Variants in KIAA0825 observed in about 807,000 individuals in gnomAD.
KIAA0825 encodes the protein KIAA0825.
A neutral mutation model predicts 147.6 loss-of-function variants in KIAA0825; 119 were observed. The observed-to-expected ratio is 0.81, with a 90% CI of 0.69 to 0.94. The LOEUF (loss-of-function observed/expected upper bound fraction) is 0.94, where lower values mean the gene tolerates loss of function less well. KIAA0825 is among the 40% of genes least tolerant of loss of function. The probability of loss-of-function intolerance (pLI) is 0.00; values close to 1 mark genes in which losing one functional copy is unlikely to be tolerated. For missense variants in KIAA0825, 1,381 were observed against 1,472.7 expected (o/e 0.94, Z 1.02); for synonymous variants, 470 against 518.1 (o/e 0.91, Z 1.26).
At chr5:94,467,271 A>AT (rs2150974203) in intron 10 of KIAA0825, among the ~76,000 whole-genome samples, 1 of 152,244 alleles carries the variant, frequency 6.6e-6, no homozygotes, top group Non-Finnish European at 1.5e-5. Context: ...TGGTTCATTT[A>AT]TTTTTCTGAC....
At chr5:94,519,933 T>TA in intron 5 of KIAA0825, 1 of 790,296 alleles carries the variant, frequency 1.3e-6, no homozygotes, top group Non-Finnish European at 1.6e-6. Context: ...ATATACTCAT[T>TA]TATATATATG....
chr5:94,567,512 A>G (rs1778919150), intron 2 of KIAA0825: 1 of 152,212 alleles, frequency 6.6e-6, no homozygotes, highest in South Asian at 2.1e-4. Context: ...CCTAATCACC[A>G]TACTAATTCT....
chr5:94,212,833 T>C (rs1772836314), intron 20 of KIAA0825, among the ~76,000 whole-genome samples: 1 of 152,200 alleles, frequency 6.6e-6, no homozygotes, highest in African/African-American at 2.4e-5. Flanking sequence ...TGAGGCTGTC[T>C]GCTATGCAGA....
chr5:94,617,920 A>C (rs1169472883), intron 1 of KIAA0825: 1 of 152,224 alleles, frequency 6.6e-6, no homozygotes, highest in Non-Finnish European at 1.5e-5. Context: ...AATGCATCTA[A>C]TGCCCAAGCA....
At chr5:94,493,393 T>C (rs564003425) in intron 5 of KIAA0825, among the ~76,000 whole-genome samples, 1 of 152,352 alleles carries the variant, frequency 6.6e-6, no homozygotes, top group African/African-American at 2.4e-5. Context: ...ACAAATACAC[T>C]GATTAGCACA....
chr5:94,561,951 A>G (rs995727725), intron 2 of KIAA0825, among the ~76,000 whole-genome samples: 1 of 152,220 alleles, frequency 6.6e-6, no homozygotes, highest in African/African-American at 2.4e-5. Flanking sequence ...AACAGAAAAA[A>G]GTCACCTACG....
At chr5:94,576,905 A>C (rs1049639013) in intron 2 of KIAA0825, among the ~76,000 whole-genome samples, 2 of 152,206 alleles carry the variant, frequency 1.3e-5, no homozygotes, top group Non-Finnish European at 2.9e-5. Context: ...AAAAGAAAAA[A>C]TTTAACTCTT....
At chr5:94,220,133 T>C (rs1479740597) in intron 20 of KIAA0825, among the ~76,000 whole-genome samples, 1 of 152,144 alleles carries the variant, frequency 6.6e-6, no homozygotes, top group Non-Finnish European at 1.5e-5. Context: ...AAACATTTTA[T>C]TTTTTACTTC....
intron 20 of KIAA0825, among the ~76,000 whole-genome samples, chr5:94,261,261 C>T (rs997418168): frequency 2.0e-5 from 3 of 151,984 alleles, no homozygotes; most frequent in African/African-American, 7.3e-5. Flanking sequence ...CAAGATTGCA[C>T]CATTGCACTC....
In KIAA0825 at chr5:94,607,462, A is replaced by G. The variant is rs140424337; in HGVS notation, c.-153+11038T>C. Among the ~76,000 whole-genome samples the G allele has an allele frequency of 1.1e-3, 166 of 152,192 alleles. 6 individuals are homozygous for G. The East Asian group carries it at 0.031, about 29-fold the overall frequency. ...ACCCTCTACTAAAAATACAAAAATT[A>G]TCTGTGCCTGGTGGCAGGTACCTAT... On this transcript the variant is annotated intron_variant, in intron 1 of 20. Coordinates refer to ENST00000682413, the MANE Select transcript of KIAA0825 (RefSeq NM_001145678.3).
Position 94,396,459 on chromosome 5 carries a change from G to A in KIAA0825, c.2938C>T (p.Pro980Ser). Residue 980 changes from proline (P) to serine (S), a missense_variant, in exon 17 of 21, where the codon CCT (proline) becomes TCT (serine). Coordinates refer to ENST00000682413, the MANE Select transcript of KIAA0825 (RefSeq NM_001145678.3). ...QAVSIVISKLPTVIACLPPPV... is the reference protein window; with the variant it reads ...QAVSIVISKLSTVIACLPPPV... ...GGAGGCAAACATGCAATCACCGTAGGTAACTTGCTGATTACAATAGATACT... is the reference window on the plus strand; with the variant it reads ...GGAGGCAAACATGCAATCACCGTAGATAACTTGCTGATTACAATAGATACT... The A allele has an allele frequency of 6.5e-7, 1 of 1,534,048 alleles. No individual in the cohort carries two copies.
chr5:94,611,691 A>G (rs1009386248), intron 1 of KIAA0825, among the ~76,000 whole-genome samples: 2 of 148,122 alleles, frequency 1.4e-5, no homozygotes, highest in Non-Finnish European at 3.0e-5. Context: ...CATGCCTGTA[A>G]TCCCAGCACT....
intron 20 of KIAA0825, among the ~76,000 whole-genome samples, chr5:94,332,752 G>C (rs1010348695): frequency 7.2e-5 from 11 of 152,046 alleles, no homozygotes; most frequent in Admixed American, 6.6e-4. Flanking sequence ...CTCAGTAATG[G>C]GATTGCTGGG....
chr5:94,280,130 A>G (rs1023855447), intron 20 of KIAA0825, among the ~76,000 whole-genome samples: 2 of 152,064 alleles, frequency 1.3e-5, no homozygotes, highest in African/African-American at 4.8e-5. Context: ...TAAGAAGAAT[A>G]AAACTGGAGT....
At chr5:94,439,785 CAG>C (rs1212108257) in intron 14 of KIAA0825, among the ~76,000 whole-genome samples, 195 bp downstream of exon 14, 6 of 152,150 alleles carry the variant, frequency 3.9e-5, no homozygotes, top group African/African-American at 9.7e-5. Flanking sequence ...TTCTCTCATT[CAG>C]AGTCATTGAA....
At chr5:94,420,154 G>A (rs910448891) in intron 14 of KIAA0825, among the ~76,000 whole-genome samples, 6 of 151,994 alleles carry the variant, frequency 3.9e-5, no homozygotes, top group Admixed American at 3.9e-4. Flanking sequence ...TGTGGCTGAA[G>A]TGAGACTGCC....
At chr5:94,571,018 T>C (rs552729207) in intron 2 of KIAA0825, among the ~76,000 whole-genome samples, 3 of 152,346 alleles carry the variant, frequency 2.0e-5, no homozygotes, top group Admixed American at 2.0e-4. Context: ...TATTTGTACT[T>C]GACAACTACA....
intron 14 of KIAA0825, among the ~76,000 whole-genome samples, chr5:94,438,780 C>T (rs983966115): frequency 1.3e-5 from 2 of 152,166 alleles, no homozygotes; most frequent in Non-Finnish European, 2.9e-5. Flanking sequence ...AAGCTATTTA[C>T]ACAAGGAAAG....
intron 20 of KIAA0825, among the ~76,000 whole-genome samples, chr5:94,346,058 C>A (rs1380137172): frequency 6.6e-6 from 1 of 152,060 alleles, no homozygotes; most frequent in Admixed American, 6.6e-5. Flanking sequence ...AATACCAGGC[C>A]CAGGGTGTGG....
Sources: gnomAD v4.1 joint callset for allele counts (sites outside exome capture counted in the v4.1 genomes callset) on GRCh38, gnomAD v4.1.1 for gene constraint, MANE v1.5 for transcripts, NCBI Gene and HGNC (gene_info 2026-07-23, HGNC 2026-07-21) for gene names.